TJP1: variants seen among roughly 807,000 people sequenced by gnomAD.
The protein encoded by TJP1 is tight junction protein 1.
TJP1 carries 43 observed loss-of-function variants against 194.2 expected under a neutral mutation model. The ratio of observed to expected loss-of-function variants is 0.22; its 90% CI spans 0.17 to 0.29. The LOEUF (loss-of-function observed/expected upper bound fraction) is 0.29. Ranked by LOEUF, TJP1 falls within the 10% of genes least tolerant of loss-of-function variation. The pLI, the probability that TJP1 is intolerant of heterozygous loss-of-function variation, is 1.00. For synonymous variants in TJP1, 801 were observed against 779.0 expected (o/e 1.03, Z -0.47); for missense variants, 1,971 against 2,185.7 (o/e 0.90, Z 1.96).
At chr15:29,833,873 A>ATTT (rs2050918855) in intron 2 of TJP1, among the ~76,000 whole-genome samples, 2 of 18,152 alleles carry the variant, frequency 1.1e-4, no homozygotes, top group Non-Finnish European at 2.2e-4. Context: ...ATATATATAT[A>ATTT]TATATATATT....
At chr15:29,909,540 TA>T (rs1408826857) in intron 2 of TJP1, among the ~76,000 whole-genome samples, 1 of 151,942 alleles carries the variant, frequency 6.6e-6, no homozygotes, top group Admixed American at 6.6e-5. Flanking sequence ...TTGGAAATAT[TA>T]CCAAGCCTAC....
chr15:29,725,611 G>A (rs1292571712), intron 18 of TJP1, among the ~76,000 whole-genome samples: 1 of 151,950 alleles, frequency 6.6e-6, no homozygotes, highest in Non-Finnish European at 1.5e-5. Context: ...GGTGTATTCT[G>A]AGGAAATGAT....
chr15:29,869,548 G>A (rs988391274), intron 2 of TJP1, among the ~76,000 whole-genome samples: 1 of 152,138 alleles, frequency 6.6e-6, no homozygotes, highest in Non-Finnish European at 1.5e-5. Flanking sequence ...CTAAGGTCCA[G>A]ATTCCAGAAG....
At chr15:29,780,547 T>G (rs1331609161) in intron 2 of TJP1, among the ~76,000 whole-genome samples, 1 of 152,110 alleles carries the variant, frequency 6.6e-6, no homozygotes, top group Non-Finnish European at 1.5e-5. Flanking sequence ...AGGCCAAAGA[T>G]CCGTACATCT....
At chr15:29,879,388 CCCTCCAGCTG>C (rs1348257974) in intron 2 of TJP1, among the ~76,000 whole-genome samples, 1 of 152,226 alleles carries the variant, frequency 6.6e-6, no homozygotes, top group Non-Finnish European at 1.5e-5. Flanking sequence ...GCCTCCCTAT[CCCTCCAGCTG>C]CCTCCGGCGC....
At chr15:29,726,512 T>C (rs754968254) in intron 17 of TJP1, 33 bp from the exon 18 acceptor site, 9 of 1,592,396 alleles carry the variant, frequency 5.7e-6, no homozygotes, top group Non-Finnish European at 7.7e-6. Context: ...GTTTTATGGT[T>C]AGAGCACTGC....
At chr15:29,706,901 C>T (rs558170755) in intron 25 of TJP1, among the ~76,000 whole-genome samples, 13 of 152,176 alleles carry the variant, frequency 8.5e-5, no homozygotes, top group South Asian at 2.1e-4. Context: ...GTGATCCGCC[C>T]GCCTCAACCT....
At chr15:29,837,470 A>G (rs1254631703) in intron 2 of TJP1, among the ~76,000 whole-genome samples, 1 of 152,160 alleles carries the variant, frequency 6.6e-6, no homozygotes, top group African/African-American at 2.4e-5. Context: ...AGGCAGGAGA[A>G]TCACTTGAAC....
At chr15:29,790,631 T>G (rs2048011682) in intron 2 of TJP1, among the ~76,000 whole-genome samples, 1 of 152,166 alleles carries the variant, frequency 6.6e-6, no homozygotes, top group Admixed American at 6.5e-5. Context: ...ACACTGTATC[T>G]TACTCCTTCT....
At chr15:29,847,428 C>T (rs190792637) in intron 2 of TJP1, among the ~76,000 whole-genome samples, 1 of 152,204 alleles carries the variant, frequency 6.6e-6, no homozygotes, top group Admixed American at 6.5e-5. Flanking sequence ...ATTTTGCTCT[C>T]CTTTTTCTAG....
chr15:29,955,582 A>C (rs12905982), intron 2 of TJP1, among the ~76,000 whole-genome samples: 66,684 of 150,794 alleles, frequency 0.44, 15,179 homozygotes, highest in East Asian at 0.79. Flanking sequence ...GAGACCCCAT[A>C]TCTACAAAAT....
chr15:29,790,751 CTTT>C (rs926624507), intron 2 of TJP1, among the ~76,000 whole-genome samples: 9 of 130,764 alleles, frequency 6.9e-5, no homozygotes, highest in Non-Finnish European at 6.6e-5. Context: ...GTTCATTTTT[CTTT>C]TTTTTTTTTT....
At chr15:29,737,618 A>G (rs563323405) in intron 10 of TJP1, among the ~76,000 whole-genome samples, 20 of 152,224 alleles carry the variant, frequency 1.3e-4, no homozygotes, top group Non-Finnish European at 2.8e-4. Context: ...CAGTTTTGGA[A>G]TATTCAAATT....
intron 2 of TJP1, among the ~76,000 whole-genome samples, chr15:29,901,265 T>C (rs711355): frequency 0.61 from 93,059 of 152,048 alleles, 28,911 homozygotes; most frequent in South Asian, 0.76. Flanking sequence ...GATCGCAATG[T>C]GTACACAGTT....
At chr15:29,941,736 A>G (rs1824171619) in intron 2 of TJP1, among the ~76,000 whole-genome samples, 1 of 152,140 alleles carries the variant, frequency 6.6e-6, no homozygotes, top group South Asian at 2.1e-4. Context: ...ACCATTGTAC[A>G]CGTATCACGT....
chr15:29,710,772 A>G (rs2042190764), intron 24 of TJP1, 59 bp downstream of exon 24: 1 of 1,606,684 alleles, frequency 6.2e-7, no homozygotes, highest in Non-Finnish European at 8.5e-7. Context: ...CCTAGAAACC[A>G]CCAGAATTTT....
intron 9 of TJP1, among the ~76,000 whole-genome samples, 183 bp downstream of exon 9, chr15:29,742,459 T>C (rs917368286): frequency 2.6e-5 from 4 of 152,182 alleles, no homozygotes; most frequent in African/African-American, 7.2e-5. Context: ...AAGGAAAACA[T>C]TCATGAAAGG....
chr15:29,705,471 T>G, intron 26 of TJP1, 57 bp downstream of exon 26: 1 of 1,547,254 alleles, frequency 6.5e-7, no homozygotes. Flanking sequence ...AGCTCTGAAG[T>G]GCACACAGGG....
At position 29,701,321 on chromosome 15, in the gene TJP1, T is replaced by C; in HGVS notation, c.*274A>G. 1 of 342,710 alleles carries C rather than the reference T, an allele frequency of 2.9e-6. No individual in the cohort carries two copies. The highest frequency in any genetic ancestry group is 5.4e-6 in the Non-Finnish European group (1 of 186,760). The allele number at this position is 342,710 out of a possible 1,614,324, so 21.2% of individuals were successfully genotyped here. A position where few individuals can be genotyped will look rare whatever the true frequency, so the allele number is the denominator to read the frequency against. On this transcript the variant is annotated 3_prime_UTR_variant, in exon 28 of 28. Transcript: ENST00000614355. ...GAAATCAATATGTGAAGTTAAGCAG[T>C]GACGATAAAAAAATTACAAAAATCA...
Sources: gnomAD v4.1 joint callset for allele counts (sites outside exome capture counted in the v4.1 genomes callset) on GRCh38, gnomAD v4.1.1 for gene constraint, MANE v1.5 for transcripts, NCBI Gene and HGNC (gene_info 2026-07-23, HGNC 2026-07-21) for gene names.